ACSF3: variants seen among roughly 807,000 people sequenced by gnomAD.
The protein encoded by ACSF3 is malonate--CoA ligase ACSF3, mitochondrial.
ACSF3 carries 78 observed loss-of-function variants against 53.2 expected under a neutral mutation model. The observed-to-expected ratio is 1.47, with a 90% confidence interval of 1.22 to 1.77. The LOEUF is 1.77. ACSF3 is among the 40% of genes most tolerant of loss of function. The pLI, the probability that ACSF3 is intolerant of heterozygous loss-of-function variation, is 0.00. For missense variants in ACSF3, 937 were observed against 771.1 expected (o/e 1.22, Z -2.55); for synonymous variants, 414 against 333.1 (o/e 1.24, Z -2.65).
At chr16:89,130,222 A>G (rs111714421) in intron 7 of ACSF3, among the ~76,000 whole-genome samples, 3 of 152,272 alleles carry the variant, frequency 2.0e-5, no homozygotes, top group East Asian at 1.9e-4. Flanking sequence ...CCTGAAGGAT[A>G]TTTTCATTGG....
rs146779456 is a variant in ACSF3 at position 89,154,105 on chromosome 16, G to A, written c.1629G>A (p.Pro543=). ...LKEWARNVLA[P]YAVPSELVLV... is the part of the protein sequence containing the mutation. Reference sequence around the variant, plus strand: ...GTCTCTGCAGAAATGTCCTGGCCCCGTACGCGGTGCCCTCGGAGCTGGTGC... The same window carrying A: ...GTCTCTGCAGAAATGTCCTGGCCCCATACGCGGTGCCCTCGGAGCTGGTGC... The change falls in exon 11 of 11, where the codon CCG becomes CCA. Residue 543 remains proline, a synonymous_variant. Transcript: ENST00000614302. 6.4e-5 allele frequency: 103 copies of A among 1,612,836 alleles called. No individual in the cohort carries two copies. In the African/African-American group the frequency reaches 9.2e-4, roughly 14 times the overall value.
chr16:89,100,685 C>T lies in ACSF3; in HGVS notation c.4C>T (p.Leu2=), dbSNP rs749751522. 2 of 1,508,322 alleles carry T rather than the reference C, an allele frequency of 1.3e-6. No individual in the cohort carries two copies. The highest frequency in any genetic ancestry group is 2.3e-5 in the South Asian group (2 of 88,806). The allele number at this position is 1,508,322 out of a possible 1,614,324, so 93.4% of individuals were successfully genotyped here. Residue 2 remains leucine (L), a synonymous_variant, in exon 3 of 11, where the codon CTG becomes TTG. Transcript: ENST00000614302. M[L]PHVVLTFRRL... The stretch of plus-strand genomic sequence containing the variant: ...AGCTCGGCCGCCTGTCAGTGCAATG[C>T]TGCCCCATGTGGTGCTCACCTTCCG...
chr16:89,153,971 C>T (rs770667868), intron 10 of ACSF3, 119 bp from the exon 11 acceptor site: 33 of 1,065,312 alleles, frequency 3.1e-5, no homozygotes, highest in Middle Eastern at 2.8e-4. Context: ...TCAGGATGGC[C>T]GAGGCGCCTG....
intron 7 of ACSF3, among the ~76,000 whole-genome samples, chr16:89,125,861 A>C (rs1198196266): frequency 2.6e-5 from 4 of 152,222 alleles, no homozygotes; most frequent in African/African-American, 7.2e-5. Context: ...CTCTCCGTTT[A>C]CTTAGATCCG....
At chr16:89,094,148 G>T (rs552987792) in intron 1 of ACSF3, among the ~76,000 whole-genome samples, 152 bp downstream of exon 1, 16 of 151,816 alleles carry the variant, frequency 1.1e-4, no homozygotes, top group African/African-American at 3.6e-4. Context: ...CTGGGGCCGG[G>T]CGTCGGCCTT....
chr16:89,125,172 G>A (rs1041633435), intron 7 of ACSF3, among the ~76,000 whole-genome samples: 4 of 152,000 alleles, frequency 2.6e-5, no homozygotes, highest in South Asian at 2.1e-4. Flanking sequence ...GATGAAACCC[G>A]TCTCTACTAA....
At chr16:89,128,652 T>C (rs2151505718) in intron 7 of ACSF3, among the ~76,000 whole-genome samples, 1 of 152,342 alleles carries the variant, frequency 6.6e-6, no homozygotes, top group African/African-American at 2.4e-5. Context: ...TTTAGAAGTA[T>C]AGCACATATT....
At chr16:89,109,249 A>AG (rs1016771702) in intron 4 of ACSF3, among the ~76,000 whole-genome samples, 12 of 99,228 alleles carry the variant, frequency 1.2e-4, no homozygotes, top group Non-Finnish European at 1.7e-4. Flanking sequence ...AAAAAAAAAA[A>AG]AGAAAAGAAA....
intron 6 of ACSF3, 147 bp downstream of exon 6, chr16:89,114,634 T>C (rs2151455533): frequency 1.7e-6 from 2 of 1,202,470 alleles, no homozygotes; most frequent in African/African-American, 3.0e-5. Context: ...AGGAGAGCAC[T>C]CAGGATGCAC....
chr16:89,125,429 A>T (rs567886479), intron 7 of ACSF3, among the ~76,000 whole-genome samples: 1 of 151,968 alleles, frequency 6.6e-6, no homozygotes, highest in African/African-American at 2.4e-5. Context: ...GTAGTGGCTC[A>T]TGCCTGTATT....
intron 5 of ACSF3, chr16:89,113,860 C>G (rs1224217566): frequency 3.6e-6 from 1 of 278,846 alleles, no homozygotes; most frequent in Non-Finnish European, 7.1e-6. Context: ...GGTGCCGCGG[C>G]CATTCACCCA....
chr16:89,119,401 G>C (rs957839372), intron 6 of ACSF3, among the ~76,000 whole-genome samples: 1 of 152,218 alleles, frequency 6.6e-6, no homozygotes, highest in Non-Finnish European at 1.5e-5. Context: ...CAGCAGACCT[G>C]GTGCCAGGTC....
At chr16:89,113,054 C>T (rs546898913) in intron 5 of ACSF3, 1 of 152,486 alleles carries the variant, frequency 6.6e-6, no homozygotes, top group South Asian at 2.1e-4. Flanking sequence ...TTTCTTTTCC[C>T]TCGTGGCTGT....
chr16:89,140,334 A>G (rs1911503543), intron 8 of ACSF3, among the ~76,000 whole-genome samples: 1 of 152,082 alleles, frequency 6.6e-6, no homozygotes, highest in Non-Finnish European at 1.5e-5. Context: ...CTCTGTACAC[A>G]CACAGGCACC....
chr16:89,128,249 A>AT (rs1057067525), intron 7 of ACSF3, among the ~76,000 whole-genome samples: 9 of 149,144 alleles, frequency 6.0e-5, no homozygotes, highest in East Asian at 2.0e-4. Flanking sequence ...ATATATATAT[A>AT]TTTTTTTCTT....
rs150361886 is a variant in ACSF3 at position 89,108,175 on chromosome 16, G to A, written c.823-3917G>A. ...CCTGGGCACCTCCCACAACACGTGGGAATTCTGGGAGATACAGTTCAAGTT... is the reference window on the plus strand; with the variant it reads ...CCTGGGCACCTCCCACAACACGTGGAAATTCTGGGAGATACAGTTCAAGTT... On this transcript the variant is annotated intron_variant, in intron 4 of 10. Transcript: ENST00000614302. Among the ~76,000 whole-genome samples, 887 of 152,302 alleles carry A rather than the reference G, an allele frequency of 5.8e-3. 9 individuals are homozygous for A. Among genetic ancestry groups the A allele is most frequent in the African/African-American group, 0.02 (841 of 41,564 alleles).
chr16:89,107,304 C>T (rs114042464), intron 4 of ACSF3, among the ~76,000 whole-genome samples: 56 of 152,300 alleles, frequency 3.7e-4, no homozygotes, highest in African/African-American at 1.2e-3. Flanking sequence ...GACCGTCCTT[C>T]GTGTCTTTCA....
chr16:89,132,276 C>T (rs999517327), intron 7 of ACSF3, among the ~76,000 whole-genome samples: 1 of 152,232 alleles, frequency 6.6e-6, no homozygotes, highest in African/African-American at 2.4e-5. Flanking sequence ...GTCACTTTCA[C>T]AGTAGAGAAG....
At chr16:89,124,633 C>T (rs1358190313) in intron 7 of ACSF3, among the ~76,000 whole-genome samples, 2 of 151,684 alleles carry the variant, frequency 1.3e-5, no homozygotes, top group Non-Finnish European at 2.9e-5. Context: ...GATACCTGTG[C>T]ACATACCATG....
Sources: gnomAD v4.1 joint callset for allele counts (sites outside exome capture counted in the v4.1 genomes callset) on GRCh38, gnomAD v4.1.1 for gene constraint, MANE v1.5 for transcripts, NCBI Gene and HGNC (gene_info 2026-07-23, HGNC 2026-07-21) for gene names.